The following PACRG variants were observed in gnomAD, a reference collection of about 807,000 sequenced individuals.
PACRG encodes the protein parkin coregulated.
PACRG carries 29 observed loss-of-function variants against 29.7 expected under a neutral mutation model. That is an observed-to-expected ratio of 0.98 (90% CI 0.73 to 1.33). PACRG has a LOEUF of 1.33. Among genes scored for constraint, PACRG ranks in the 40% most tolerant of loss-of-function variants. The pLI, the probability that PACRG is intolerant of heterozygous loss-of-function variation, is 0.00. For synonymous variants in PACRG, 116 were observed against 118.7 expected, an observed-to-expected ratio of 0.98 and a Z score of 0.15; for missense variants, 279 against 316.2, an observed-to-expected ratio of 0.88 and a Z score of 0.89.
intron 2 of PACRG, among the ~76,000 whole-genome samples, chr6:162,895,256 T>G (rs1795080211): frequency 7.9e-6 from 1 of 126,532 alleles, no homozygotes. Flanking sequence ...GGTGACAGAG[T>G]GAGACCCTCT....
At chr6:163,211,905 G>A (rs562698420) in intron 4 of PACRG, among the ~76,000 whole-genome samples, 29 of 152,272 alleles carry the variant, frequency 1.9e-4, no homozygotes, top group East Asian at 9.7e-4. Context: ...TGCAGTCAGC[G>A]TCTACCTGCA....
chr6:162,951,410 A>T (rs997394560), intron 2 of PACRG, among the ~76,000 whole-genome samples: 1 of 152,230 alleles, frequency 6.6e-6, no homozygotes, highest in Non-Finnish European at 1.5e-5. Context: ...GCTCTGATTG[A>T]TTGGCCTCCA....
At chr6:162,935,170 C>A (rs770875313) in intron 2 of PACRG, among the ~76,000 whole-genome samples, 2 of 152,034 alleles carry the variant, frequency 1.3e-5, no homozygotes, top group Non-Finnish European at 2.9e-5. Context: ...TAGAGAGGAC[C>A]GTTTTGGGTT....
chr6:162,966,253 C>T (rs1205917953), intron 2 of PACRG, among the ~76,000 whole-genome samples: 2 of 152,178 alleles, frequency 1.3e-5, no homozygotes, highest in Non-Finnish European at 2.9e-5. Context: ...GTAGGTTCAG[C>T]GCCACCTTGT....
chr6:163,181,216 C>T lies in PACRG; in HGVS notation c.613+91808C>T, dbSNP rs141094813. On this transcript the variant is annotated intron_variant, in intron 4 of 4. Coordinates refer to ENST00000366888, the MANE Select transcript of PACRG (RefSeq NM_001080379.2). ...TGACCCTGAAACCTACTTGCCTGAC[C>T]ATTTTACTCCCATACCTCGGGCTAT... 7.2e-5 allele frequency among the ~76,000 whole-genome samples: 11 copies of T among 152,302 alleles called. 1 individual carries two copies. The East Asian group carries it at 2.1e-3, about 29-fold the overall frequency.
At chr6:163,277,142 T>C (rs1784057771) in intron 4 of PACRG, among the ~76,000 whole-genome samples, 1 of 152,042 alleles carries the variant, frequency 6.6e-6, no homozygotes, top group Admixed American at 6.5e-5. Flanking sequence ...GGGGAACAGG[T>C]GGTGTTTGGT....
chr6:162,900,203 T>G (rs978005687), intron 2 of PACRG, among the ~76,000 whole-genome samples: 1 of 152,012 alleles, frequency 6.6e-6, no homozygotes, highest in Admixed American at 6.6e-5. Context: ...CACGCACATA[T>G]GCACTCACAA....
chr6:162,910,348 G>T (rs1405621756), intron 2 of PACRG, among the ~76,000 whole-genome samples: 1 of 152,122 alleles, frequency 6.6e-6, no homozygotes, highest in Non-Finnish European at 1.5e-5. Flanking sequence ...GTTCTTACTG[G>T]CTGGAAGAAG....
At chr6:163,155,837 T>C (rs1178428504) in intron 4 of PACRG, among the ~76,000 whole-genome samples, 1 of 152,206 alleles carries the variant, frequency 6.6e-6, no homozygotes, top group Non-Finnish European at 1.5e-5. Context: ...GCACATCCTC[T>C]TGCTTTACTT....
chr6:163,070,565 G>A (rs1811948270), intron 3 of PACRG, among the ~76,000 whole-genome samples: 1 of 151,754 alleles, frequency 6.6e-6, no homozygotes, highest in Non-Finnish European at 1.5e-5. Flanking sequence ...AAAATAAAAA[G>A]CAAGAAATCA....
chr6:162,916,240 G>A (rs1796688532), intron 2 of PACRG, among the ~76,000 whole-genome samples: 1 of 152,038 alleles, frequency 6.6e-6, no homozygotes, highest in Non-Finnish European at 1.5e-5. Flanking sequence ...ATAGTTTCTG[G>A]TGAGAAATTT....
intron 4 of PACRG, among the ~76,000 whole-genome samples, chr6:163,242,857 C>G (rs2128168990): frequency 6.6e-6 from 1 of 152,260 alleles, no homozygotes; most frequent in Non-Finnish European, 1.5e-5. Flanking sequence ...GGAATTGTTT[C>G]TTTTGTGTCC....
At chr6:163,025,295 ATC>A (rs1807019364) in intron 2 of PACRG, among the ~76,000 whole-genome samples, 1 of 152,224 alleles carries the variant, frequency 6.6e-6, no homozygotes. Flanking sequence ...AAGTCAAACT[ATC>A]TCTCTTTGCT....
At chr6:162,759,434 G>A (rs1190782601) in intron 1 of PACRG, among the ~76,000 whole-genome samples, 1 of 152,144 alleles carries the variant, frequency 6.6e-6, no homozygotes, top group South Asian at 2.1e-4. Context: ...AATATTCTTG[G>A]TCATTGAGAA....
At chr6:163,295,382 G>A (rs183617496) in intron 4 of PACRG, among the ~76,000 whole-genome samples, 4 of 152,248 alleles carry the variant, frequency 2.6e-5, no homozygotes, top group Admixed American at 1.3e-4. Context: ...TGGCCACACC[G>A]ACACTGAGTG....
chr6:163,284,573 A>G (rs973546712), intron 4 of PACRG, among the ~76,000 whole-genome samples: 2 of 152,220 alleles, frequency 1.3e-5, no homozygotes, highest in Non-Finnish European at 2.9e-5. Context: ...TAGATTTTTA[A>G]AACCATCTTA....
intron 4 of PACRG, among the ~76,000 whole-genome samples, chr6:163,265,523 G>T (rs966868125): frequency 2.6e-5 from 4 of 152,212 alleles, no homozygotes; most frequent in African/African-American, 7.2e-5. Context: ...TGATTGTTGT[G>T]AGGATTAAAT....
chr6:162,829,424 G>A (rs1304824470), intron 2 of PACRG, among the ~76,000 whole-genome samples: 6 of 152,208 alleles, frequency 3.9e-5, no homozygotes, highest in Non-Finnish European at 8.8e-5. Flanking sequence ...TTAAAGACGT[G>A]CACTATTCAT....
intron 4 of PACRG, among the ~76,000 whole-genome samples, chr6:163,256,035 T>G (rs1255861937): frequency 6.6e-6 from 1 of 152,260 alleles, no homozygotes; most frequent in African/African-American, 2.4e-5. Flanking sequence ...CTGCTTTCAC[T>G]CTTTGAAAGT....
Sources: gnomAD v4.1 joint callset for allele counts (sites outside exome capture counted in the v4.1 genomes callset) on GRCh38, gnomAD v4.1.1 for gene constraint, MANE v1.5 for transcripts, NCBI Gene and HGNC (gene_info 2026-07-23, HGNC 2026-07-21) for gene names.